Variants in TRIM67 observed in about 807,000 individuals in gnomAD.
The protein encoded by TRIM67 is tripartite motif-containing protein 67.
Under a neutral mutation model 71.0 loss-of-function variants are expected in TRIM67, and 39 were observed. The observed-to-expected ratio is 0.55, with a 90% CI of 0.43 to 0.72. TRIM67 has a LOEUF of 0.72. Ranked by LOEUF, TRIM67 falls within the 30% of genes least tolerant of loss-of-function variation. The probability of loss-of-function intolerance (pLI) is 0.00; values close to 1 mark genes in which losing one functional copy is unlikely to be tolerated. For missense variants in TRIM67, 973 were observed against 1,079.2 expected (o/e 0.90, Z 1.38); for synonymous variants, 481 against 473.9 (o/e 1.01, Z -0.19).
chr1:231,218,224 T>C lies in TRIM67; in HGVS notation c.*2784T>C. On this transcript the variant is annotated 3_prime_UTR_variant, in exon 10 of 10. Transcript: ENST00000366653. ...TGACAGACAGGTCATGGAATTCTCATCCACCATCGAATTCCATAACACGTT... is the reference window on the plus strand; with the variant it reads ...TGACAGACAGGTCATGGAATTCTCACCCACCATCGAATTCCATAACACGTT... The C allele has an allele frequency of 6.9e-6, 7 of 1,011,640 alleles. 1 individual carries two copies. The South Asian group carries it at 1.7e-4, about 24-fold the overall frequency. The allele number at this position is 1,011,640 out of a possible 1,614,324, so 62.7% of individuals were successfully genotyped here. A position where few individuals can be genotyped will look rare whatever the true frequency, so the allele number is the denominator to read the frequency against.
intron 6 of TRIM67, 28 bp downstream of exon 6, chr1:231,204,040 G>A (rs775008960): frequency 1.9e-6 from 3 of 1,612,526 alleles, no homozygotes; most frequent in Non-Finnish European, 2.5e-6. Context: ...ATTTGGCGGG[G>A]ATTGAGGGTA....
chr1:231,190,533 G>A (rs1221223816), intron 1 of TRIM67, among the ~76,000 whole-genome samples: 3 of 152,240 alleles, frequency 2.0e-5, no homozygotes, highest in Admixed American at 1.3e-4. Context: ...TTTCTGGGGG[G>A]TCACCTTCAG....
At chr1:231,203,152 T>TAA (rs3215760) in intron 5 of TRIM67, among the ~76,000 whole-genome samples, 1 of 150,794 alleles carries the variant, frequency 6.6e-6, no homozygotes, top group African/African-American at 2.4e-5. Context: ...CCCTTAAAAA[T>TAA]AAAAAAAAAG....
intron 6 of TRIM67, among the ~76,000 whole-genome samples, chr1:231,205,445 G>C (rs1277947000): frequency 6.6e-6 from 1 of 152,160 alleles, no homozygotes; most frequent in Non-Finnish European, 1.5e-5. Context: ...ATCTTTGGGG[G>C]CCAGGCACGG....
rs183886188 is a variant in TRIM67 at position 231,194,065 on chromosome 1, G to A, written c.1045-3306G>A. Among the ~76,000 whole-genome samples the A allele has an allele frequency of 4.4e-4, 67 of 152,298 alleles. 2 individuals are homozygous for A. In the East Asian group the frequency reaches 0.011, roughly 25 times the overall value. The stretch of plus-strand genomic sequence containing the variant: ...CCCTGAACCAACCGCACTGGCACGC[G>A]GATCTCACACTTCTAGCCTCCAGAA... On this transcript the variant is annotated intron_variant, in intron 1 of 9. Transcript: ENST00000366653.
chr1:231,208,961 T>C lies in TRIM67; in HGVS notation c.1834T>C (p.Phe612Leu). 1 of 1,588,264 alleles carries C rather than the reference T, an allele frequency of 6.3e-7. No homozygotes were observed. Among genetic ancestry groups the C allele is most frequent in the Non-Finnish European group, 8.6e-7 (1 of 1,161,840 alleles). Reference sequence around the variant, plus strand: ...TCCCTTTTTAGTGGCCTGGTTCACATTTGACCCCAACTCTGGGCATCGGGA... The same window carrying C: ...TCCCTTTTTAGTGGCCTGGTTCACACTTGACCCCAACTCTGGGCATCGGGA... The part of the protein sequence containing the change: ...LQTSDVAWFT[F>L]DPNSGHRDII... Residue 612 changes from phenylalanine (F) to leucine (L), a missense_variant, in exon 8 of 10, where the codon TTT becomes CTT. Phe to Leu is a conservative substitution (Grantham distance 22). Around this residue, in one of 2 missense-constraint regions of TRIM67, gnomAD observed 178 missense variants for 247.9 expected, o/e 0.72. Transcript: ENST00000366653.
chr1:231,169,368 CTTTTTT>C (rs775082418), intron 1 of TRIM67, among the ~76,000 whole-genome samples: 13 of 81,664 alleles, frequency 1.6e-4, no homozygotes, highest in Non-Finnish European at 1.6e-4. Context: ...ATTCTTTTCT[CTTTTTT>C]TTTTTTTTTT....
In TRIM67 at chr1:231,219,712, T is replaced by C. The variant is rs1684096444; in HGVS notation, c.*4272T>C. On this transcript the variant is annotated 3_prime_UTR_variant, in exon 10 of 10. Coordinates refer to ENST00000366653, the MANE Select transcript of TRIM67 (RefSeq NM_001004342.5). ...GGCCCTCAATTGGTTTTTAAAAAAA[T>C]CTAACAGATCTTATTGGCAAATATT... The C allele has an allele frequency of 8.4e-7, 1 of 1,186,116 alleles. No individual in the cohort carries two copies. Among genetic ancestry groups the C allele is most frequent in the Non-Finnish European group, 1.1e-6 (1 of 941,668 alleles). The allele number at this position is 1,186,116 out of a possible 1,614,324, so 73.5% of individuals were successfully genotyped here. A position where few individuals can be genotyped will look rare whatever the true frequency, so the allele number is the denominator to read the frequency against.
chr1:231,165,759 A>G (rs1425462492), intron 1 of TRIM67, among the ~76,000 whole-genome samples: 1 of 152,234 alleles, frequency 6.6e-6, no homozygotes, highest in Non-Finnish European at 1.5e-5. Context: ...CAAATAAATT[A>G]TTTGTAAAAA....
chr1:231,212,596 C>A (rs764586010), intron 8 of TRIM67, among the ~76,000 whole-genome samples: 1 of 152,072 alleles, frequency 6.6e-6, no homozygotes, highest in Non-Finnish European at 1.5e-5. Context: ...AAAGGTTAGG[C>A]GTTTCAGTCC....
intron 9 of TRIM67, 59 bp from the exon 10 acceptor site, chr1:231,215,316 G>C: frequency 6.3e-7 from 1 of 1,580,178 alleles, no homozygotes; most frequent in South Asian, 1.1e-5. Context: ...TGCTGTCAGA[G>C]CCCTCAGGGT....
Position 231,162,869 on chromosome 1 carries a change from G to A in TRIM67, c.-101G>A, listed in dbSNP as rs1376401626. 2 of 1,478,038 alleles carry A rather than the reference G, an allele frequency of 1.4e-6. No homozygotes were observed. Among genetic ancestry groups the A allele is most frequent in the African/African-American group, 1.4e-5 (1 of 70,956 alleles). 91.6% of individuals were successfully genotyped at this position (1,478,038 alleles called of 1,614,324 possible). ...GCATGCCCGTGTGATGCCCCCGCCC[G>A]TCGTCTCACCGGGGCGCACCGCGCT... is the stretch of plus-strand genomic sequence containing the variant. On this transcript the variant is annotated 5_prime_UTR_variant, in exon 1 of 10. Transcript: ENST00000366653.
chr1:231,214,138 G>A (rs376081185), intron 9 of TRIM67, among the ~76,000 whole-genome samples, 161 bp downstream of exon 9: 6 of 152,200 alleles, frequency 3.9e-5, no homozygotes, highest in Non-Finnish European at 8.8e-5. Flanking sequence ...TCCTGGAGGC[G>A]TTCCGTTCTA....
intron 1 of TRIM67, among the ~76,000 whole-genome samples, chr1:231,176,345 G>A (rs974881927): frequency 6.6e-6 from 1 of 152,194 alleles, no homozygotes; most frequent in African/African-American, 2.4e-5. Flanking sequence ...ACAGATGGAG[G>A]AAGAGTGAAG....
At chr1:231,206,895 G>T (rs1345633944) in intron 7 of TRIM67, 105 bp downstream of exon 7, 15 of 1,280,470 alleles carry the variant, frequency 1.2e-5, no homozygotes, top group Admixed American at 7.9e-5. Context: ...GGGGTGGGGG[G>T]TGGTGCTGGG....
At chr1:231,174,970 C>A (rs1262638083) in intron 1 of TRIM67, among the ~76,000 whole-genome samples, 1 of 152,182 alleles carries the variant, frequency 6.6e-6, no homozygotes, top group African/African-American at 2.4e-5. Flanking sequence ...GTGCTGCAGT[C>A]ACTGCTAGAA....
At position 231,163,928 on chromosome 1, in the gene TRIM67, C is replaced by T. The variant is rs776411370; in HGVS notation, c.959C>T (p.Thr320Ile). Residue 320 changes from threonine (T) to isoleucine (I), a missense_variant, in exon 1 of 10, where the codon ACC becomes ATC. Physicochemically the swap from Thr to Ile is moderately conservative, Grantham distance 89. This residue lies in a region of TRIM67 where 795 missense variants were observed against 831.3 expected (regional missense o/e 0.96). Transcript: ENST00000366653. The part of the protein sequence containing the change: ...NYSMYCVSCR[T>I]PVCYLCLEEG... ...AGCATGTACTGCGTGAGCTGTCGAA[C>T]CCCGGTGTGTTATCTGTGCCTGGAG... The T allele has an allele frequency of 2.0e-5, 32 of 1,585,628 alleles. No homozygotes were observed. The highest frequency in any genetic ancestry group is 2.7e-5 in the Non-Finnish European group (32 of 1,166,350).
intron 1 of TRIM67, among the ~76,000 whole-genome samples, chr1:231,189,093 AG>A (rs968083518): frequency 6.6e-6 from 1 of 152,172 alleles, no homozygotes; most frequent in Non-Finnish European, 1.5e-5. Context: ...CACCATTTAT[AG>A]TGGGTCCTGT....
chr1:231,196,572 T>C (rs1257709001), intron 1 of TRIM67, among the ~76,000 whole-genome samples: 5 of 147,708 alleles, frequency 3.4e-5, no homozygotes, highest in South Asian at 4.4e-4. Context: ...TGAGACCCTG[T>C]CTCAAAAAAA....
Sources: gnomAD v4.1 joint callset for allele counts (sites outside exome capture counted in the v4.1 genomes callset) on GRCh38, gnomAD v4.1.1 for gene constraint, gnomAD v4.1.1 regional missense constraint, MANE v1.5 for transcripts, NCBI Gene and HGNC (gene_info 2026-07-23, HGNC 2026-07-21) for gene names.